The following FAH variants were observed in gnomAD, a reference collection of about 807,000 sequenced individuals.
The protein encoded by FAH is fumarylacetoacetate hydrolase.
In FAH, 47 loss-of-function variants were observed where a neutral mutation model predicts 55.8. The observed-to-expected ratio is 0.84, with a 90% CI of 0.67 to 1.07. FAH has a LOEUF of 1.07. Among genes scored for constraint, FAH ranks in the 50% least tolerant of loss-of-function variants. FAH has a pLI of 0.00. For synonymous variants in FAH, 199 were observed against 207.7 expected (o/e 0.96, Z 0.36); for missense variants, 495 against 545.9 (o/e 0.91, Z 0.93).
At chr15:80,169,976 A>G (rs1205890745) in intron 7 of FAH, among the ~76,000 whole-genome samples, 2 of 152,216 alleles carry the variant, frequency 1.3e-5, no homozygotes, top group Non-Finnish European at 2.9e-5. Flanking sequence ...ATGGTGCTCT[A>G]TCACAACCTG....
chr15:80,184,426 A>AC (rs1189564523), intron 13 of FAH, among the ~76,000 whole-genome samples: 1 of 152,124 alleles, frequency 6.6e-6, no homozygotes. Flanking sequence ...CGCAAGGCTG[A>AC]CCAGGGGTCC....
At chr15:80,170,162 A>G (rs2041228005) in intron 7 of FAH, among the ~76,000 whole-genome samples, 2 of 152,264 alleles carry the variant, frequency 1.3e-5, no homozygotes, top group Admixed American at 1.3e-4. Context: ...GGTCTTCAGC[A>G]TCTGCTGGGT....
At position 80,162,337 on chromosome 15, in the gene FAH, G is replaced by A. The variant is rs2041156486; in HGVS notation, c.455+1G>A. Reference sequence around the variant, plus strand: ...AGGAGAATGCGTTGATGCCAAATTGGTATGAACTGGGCCAAATGTCTGCAT... The same window carrying A: ...AGGAGAATGCGTTGATGCCAAATTGATATGAACTGGGCCAAATGTCTGCAT... On this transcript the variant is annotated splice_donor_variant, in intron 5 of 13. Coordinates refer to ENST00000561421, the MANE Select transcript of FAH (RefSeq NM_000137.4). LOFTEE classifies it high-confidence loss of function. 1 of 1,611,864 alleles carries A rather than the reference G, an allele frequency of 6.2e-7. No homozygotes were observed. Among genetic ancestry groups the A allele is most frequent in the Non-Finnish European group, 8.5e-7 (1 of 1,178,046 alleles).
In FAH at chr15:80,162,403, T is replaced by C. The variant is rs2114716; in HGVS notation, c.455+67T>C. On this transcript the variant is annotated intron_variant, in intron 5 of 13. Coordinates refer to ENST00000561421, the MANE Select transcript of FAH (RefSeq NM_000137.4). ...CTTTTCATTTCCAGCAGCATATTTG[T>C]CTCAGGAGCTGCCAAGTTCTTCTTA... 683,842 of 1,386,916 alleles carry C rather than the reference T, an allele frequency of 0.49. 172,340 individuals are homozygous for C. The highest frequency in any genetic ancestry group is 0.58 in the Middle Eastern group (3,230 of 5,616). The allele number at this position is 1,386,916 out of a possible 1,614,324, so 85.9% of individuals were successfully genotyped here.
In FAH at chr15:80,173,036, G is replaced by A. The variant is rs1283645707; in HGVS notation, c.729G>A (p.Glu243=). Residue 243 remains glutamate (E), a synonymous_variant, in exon 9 of 14, where the codon GAG becomes GAA. Coordinates refer to ENST00000561421, the MANE Select transcript of FAH (RefSeq NM_000137.4). ...DWSARDIQKW[E]YVPLGPFLGK... ...CAGCACGAGACATTCAGAAGTGGGA[G>A]TATGTCCCTCTCGGGCCATTCCTTG... The A allele has an allele frequency of 7.4e-6, 12 of 1,614,150 alleles. No homozygotes were observed. Among genetic ancestry groups the A allele is most frequent in the Non-Finnish European group, 9.3e-6 (11 of 1,180,054 alleles).
rs923234833 is a variant in FAH, at chr15:80,153,037, T to A, written c.-18T>A. On this transcript the variant is annotated 5_prime_UTR_variant, in exon 1 of 14. Coordinates refer to ENST00000561421, the MANE Select transcript of FAH (RefSeq NM_000137.4). ...GCACGCCACCTTAGGCCCGCAGCCG[T>A]GCCGGGTGCTCTTCAGCATGTCCTT... The A allele has an allele frequency of 1.2e-6, 2 of 1,610,888 alleles. No homozygotes were observed. The highest frequency in any genetic ancestry group is 2.7e-5 in the African/African-American group (2 of 74,902).
chr15:80,184,942 A>G (rs947750018), intron 13 of FAH, among the ~76,000 whole-genome samples: 2 of 151,986 alleles, frequency 1.3e-5, no homozygotes, highest in East Asian at 3.9e-4. Context: ...AGCACCTTGT[A>G]AGCATTTCTC....
Position 80,157,855 on chromosome 15 carries a change from A to G in FAH, c.82-205A>G, listed in dbSNP as rs1340301170. On this transcript the variant is annotated intron_variant, in intron 1 of 13. Transcript: ENST00000561421. ...TTTCTTTCCCATTCAGGGAACACAG[A>G]TTATTTTTCCTTTTAGTTCTGGAAG... 21 of 610,086 alleles carry G rather than the reference A, an allele frequency of 3.4e-5. No homozygotes were observed. In the East Asian group the frequency reaches 5.3e-4, roughly 15 times the overall value. 37.8% of individuals were successfully genotyped at this position (610,086 alleles called of 1,614,324 possible).
intron 10 of FAH, 53 bp downstream of exon 10, chr15:80,175,144 G>A: frequency 6.6e-7 from 1 of 1,514,532 alleles, no homozygotes; most frequent in Non-Finnish European, 9.2e-7. Flanking sequence ...ATGTGTGCCT[G>A]TGTGCCTTGT....
chr15:80,156,464 C>T (rs1184564565), intron 1 of FAH: 1 of 152,270 alleles, frequency 6.6e-6, no homozygotes, highest in Non-Finnish European at 1.5e-5. Context: ...ATCCTTCGCC[C>T]ACACCAATCC....
rs766663540 is a variant in FAH, at chr15:80,173,079, A to G, written c.772A>G (p.Thr258Ala). ...ATTCCTTGGGAAGAGTTTTGGGACCACTGTCTCTCCGTGGGTGGTGCCCAT... is the reference window on the plus strand; with the variant it reads ...ATTCCTTGGGAAGAGTTTTGGGACCGCTGTCTCTCCGTGGGTGGTGCCCAT... ...GPFLGKSFGT[T>A]VSPWVVPMDA... The change falls in exon 9 of 14, where the codon ACT (threonine) becomes GCT (alanine). Residue 258 changes from threonine to alanine, a missense_variant. Thr to Ala is a moderately conservative substitution (Grantham distance 58). Coordinates refer to ENST00000561421, the MANE Select transcript of FAH (RefSeq NM_000137.4). The G allele has an allele frequency of 1.9e-6, 3 of 1,614,216 alleles. No homozygotes were observed. In the Admixed American group the frequency reaches 5.0e-5, roughly 27 times the overall value.
At chr15:80,175,171 C>A in intron 10 of FAH, 80 bp downstream of exon 10, 2 of 1,350,104 alleles carry the variant, frequency 1.5e-6, no homozygotes, top group Non-Finnish European at 2.1e-6. Context: ...GGCTCCTGAG[C>A]TTTGGCAAGG....
At chr15:80,160,271 C>A in intron 3 of FAH, 139 bp from the exon 4 acceptor site, 1 of 852,408 alleles carries the variant, frequency 1.2e-6, no homozygotes, top group Non-Finnish European at 2.0e-6. Flanking sequence ...AAAGGTTCAG[C>A]ATAGCTCTGG....
intron 5 of FAH, chr15:80,165,957 T>C (rs2142096357): frequency 6.6e-6 from 1 of 152,240 alleles, no homozygotes; most frequent in Admixed American, 6.5e-5. Flanking sequence ...TATCAAACAT[T>C]TAAAAAATTA....
chr15:80,178,412 TG>T (rs2041301534), intron 11 of FAH, among the ~76,000 whole-genome samples: 3 of 152,114 alleles, frequency 2.0e-5, no homozygotes. Context: ...ATTTTTTTTC[TG>T]TTTTTCAGTT....
chr15:80,155,382 A>G (rs1167306924), intron 1 of FAH, among the ~76,000 whole-genome samples: 1 of 152,188 alleles, frequency 6.6e-6, no homozygotes, highest in African/African-American at 2.4e-5. Context: ...AATTCTCACA[A>G]TAAACCTACT....
intron 1 of FAH, 139 bp downstream of exon 1, chr15:80,153,274 C>T (rs1178983841): frequency 2.7e-6 from 2 of 733,822 alleles, no homozygotes; most frequent in East Asian, 2.6e-5. Context: ...AGATTCGTTC[C>T]GTGAGAGTGC....
intron 13 of FAH, among the ~76,000 whole-genome samples, chr15:80,185,865 C>T (rs549263110): frequency 3.5e-4 from 53 of 152,300 alleles, no homozygotes; most frequent in African/African-American, 1.3e-3. Context: ...ACCATATTAG[C>T]CACAGGAAAG....
At chr15:80,173,653 T>G in intron 9 of FAH, 4 of 255,432 alleles carry the variant, frequency 1.6e-5, no homozygotes, top group East Asian at 9.9e-5. Context: ...TGTTGCAATC[T>G]GCCCCACTCC....
Sources: gnomAD v4.1 joint callset for allele counts (sites outside exome capture counted in the v4.1 genomes callset) on GRCh38, gnomAD v4.1.1 for gene constraint, MANE v1.5 for transcripts, NCBI Gene and HGNC (gene_info 2026-07-23, HGNC 2026-07-21) for gene names.